MAPK6: variants seen among roughly 807,000 people sequenced by gnomAD.
MAPK6 encodes the protein mitogen-activated protein kinase 6.
MAPK6 carries 19 observed loss-of-function variants against 59.3 expected under a neutral mutation model. That is an observed-to-expected ratio of 0.32 (90% CI 0.22 to 0.47). MAPK6 has a LOEUF of 0.47. Ranked by LOEUF, MAPK6 falls within the 20% of genes least tolerant of loss-of-function variation. The pLI, the probability that MAPK6 is intolerant of heterozygous loss-of-function variation, is 1.00. For synonymous variants in MAPK6, 316 were observed against 290.3 expected, an observed-to-expected ratio of 1.09 and a Z score of -0.90; for missense variants, 724 against 847.9, an observed-to-expected ratio of 0.85 and a Z score of 1.81.
chr15:52,017,603 T>A (rs550790466), upstream of MAPK6: 4 of 152,628 alleles, frequency 2.6e-5, no homozygotes, highest in African/African-American at 9.6e-5. Context: ...CCTTTTGAAA[T>A]GCTACAAAGA....
chr15:51,994,249 C>T (rs552483137), intron 2 of MAPK6, among the ~76,000 whole-genome samples: 8 of 152,158 alleles, frequency 5.3e-5, no homozygotes, highest in African/African-American at 1.4e-4. Context: ...TGTGAGCCAC[C>T]GCGCCTGGCC....
intron 2 of MAPK6, among the ~76,000 whole-genome samples, chr15:51,997,203 A>T (rs1044006584): frequency 6.6e-6 from 1 of 150,752 alleles, no homozygotes; most frequent in South Asian, 2.1e-4. Context: ...GCTGGTCTTG[A>T]ACTCTTGACC....
At chr15:51,976,868 C>G (rs972264775) in intron 1 of MAPK6, among the ~76,000 whole-genome samples, 2 of 151,586 alleles carry the variant, frequency 1.3e-5, no homozygotes, top group African/African-American at 4.8e-5. Flanking sequence ...CGCTTCAACC[C>G]GGGAGGCGGA....
intron 3 of MAPK6, among the ~76,000 whole-genome samples, chr15:52,051,336 C>T (rs556408360): frequency 3.3e-5 from 5 of 152,096 alleles, no homozygotes; most frequent in African/African-American, 9.6e-5. Context: ...GGATTACAGG[C>T]GTGAGCCACC....
chr15:52,003,362 T>G (rs2057248411), intron 2 of MAPK6, among the ~76,000 whole-genome samples: 1 of 152,110 alleles, frequency 6.6e-6, no homozygotes. Flanking sequence ...GAGATTTGGG[T>G]GGGGACACAG....
chr15:52,051,562 AT>A (rs985886084), intron 3 of MAPK6, among the ~76,000 whole-genome samples: 4 of 152,064 alleles, frequency 2.6e-5, no homozygotes, highest in Non-Finnish European at 4.4e-5. Flanking sequence ...GCTCTTTATA[AT>A]TTTTTTCTAA....
Position 52,064,183 on chromosome 15 carries a change from C to A in MAPK6, c.1349C>A (p.Ser450Ter). 1 of 1,612,632 alleles carries A rather than the reference C, an allele frequency of 6.2e-7. No homozygotes were observed. The highest frequency in any genetic ancestry group is 8.5e-7 in the Non-Finnish European group (1 of 1,179,632). ...CSHTCNYKTR[S>*]SSYLDNLVWR... Reference sequence around the variant, plus strand: ...CATACTTGTAACTACAAAACGAGGTCATCATCATATTTAGATAACTTAGTT... The same window carrying A: ...CATACTTGTAACTACAAAACGAGGTAATCATCATATTTAGATAACTTAGTT... Residue 450 changes from serine to a stop codon, truncating the protein, a stop_gained, in exon 6 of 6, where the codon TCA (serine) becomes TAA (stop). Coordinates refer to ENST00000261845, the MANE Select transcript of MAPK6 (RefSeq NM_002748.4). LOFTEE classifies it high-confidence loss of function.
chr15:52,063,733 A>G (rs1250460051), intron 5 of MAPK6, among the ~76,000 whole-genome samples, 169 bp from the exon 6 acceptor site: 1 of 152,248 alleles, frequency 6.6e-6, no homozygotes, highest in Non-Finnish European at 1.5e-5. Flanking sequence ...ATATATTAAC[A>G]GAGCTTTCCT....
At chr15:52,000,833 C>A (rs1404161191) in intron 2 of MAPK6, among the ~76,000 whole-genome samples, 5 of 151,808 alleles carry the variant, frequency 3.3e-5, no homozygotes, top group African/African-American at 1.2e-4. Context: ...TTTAGGGGTA[C>A]AGTTGTTTTT....
intron 1 of MAPK6, among the ~76,000 whole-genome samples, chr15:52,040,755 G>A (rs984335586): frequency 6.6e-6 from 1 of 152,190 alleles, no homozygotes; most frequent in Non-Finnish European, 1.5e-5. Context: ...CAGTGCTTGA[G>A]CAGACAGTTG....
At chr15:52,047,115 T>C (rs2031615824) in intron 2 of MAPK6, 100 bp downstream of exon 2, 1 of 884,726 alleles carries the variant, frequency 1.1e-6, no homozygotes, top group Non-Finnish European at 1.6e-6. Context: ...GAATTTTTAA[T>C]CTTATTAAAC....
intron 1 of MAPK6, among the ~76,000 whole-genome samples, chr15:52,039,291 A>T (rs925412561): frequency 6.6e-6 from 1 of 151,984 alleles, no homozygotes; most frequent in African/African-American, 2.4e-5. Context: ...CTGTAACTAG[A>T]CTTACTAGTT....
At chr15:52,028,576 C>T (rs2030904325) in intron 1 of MAPK6, among the ~76,000 whole-genome samples, 1 of 152,134 alleles carries the variant, frequency 6.6e-6, no homozygotes, top group African/African-American at 2.4e-5. Flanking sequence ...AATTTAGGTC[C>T]TCAGTGATGC....
chr15:52,016,067 C>CAA (rs2030244867), upstream of MAPK6, among the ~76,000 whole-genome samples: 2 of 92,868 alleles, frequency 2.2e-5, no homozygotes, highest in African/African-American at 8.3e-5. Context: ...CGCGCGCGCG[C>CAA]GCGCACACAC....
At chr15:51,984,346 A>G (rs1370033114) in intron 2 of MAPK6, among the ~76,000 whole-genome samples, 1 of 151,584 alleles carries the variant, frequency 6.6e-6, no homozygotes, top group Non-Finnish European at 1.5e-5. Context: ...CAGTGACACA[A>G]TCTCGGCTCA....
At chr15:51,996,199 C>T (rs914627192) in intron 2 of MAPK6, among the ~76,000 whole-genome samples, 4 of 152,082 alleles carry the variant, frequency 2.6e-5, no homozygotes, top group Admixed American at 2.6e-4. Flanking sequence ...TTTTTCCTTC[C>T]CCTTATCGTA....
At chr15:52,019,762 G>T (rs1254677246) in intron 1 of MAPK6, among the ~76,000 whole-genome samples, 1 of 151,850 alleles carries the variant, frequency 6.6e-6, no homozygotes, top group South Asian at 2.1e-4. Context: ...GCCTGCGCCT[G>T]GCTCCGCGGG....
At chr15:52,052,911 G>A (rs1344887755) in intron 3 of MAPK6, among the ~76,000 whole-genome samples, 2 of 152,184 alleles carry the variant, frequency 1.3e-5, no homozygotes, top group South Asian at 2.1e-4. Context: ...ATACCTAGGA[G>A]TGGAATTGCT....
At chr15:52,041,965 C>T (rs762800701) in intron 1 of MAPK6, among the ~76,000 whole-genome samples, 1 of 152,218 alleles carries the variant, frequency 6.6e-6, no homozygotes, top group Non-Finnish European at 1.5e-5. Context: ...GAGCCCAAGT[C>T]TCTCTTTACT....
Sources: allele counts gnomAD v4.1 joint callset (sites outside exome capture counted in the v4.1 genomes callset), GRCh38; gene constraint gnomAD v4.1.1; transcripts MANE v1.5; gene names NCBI Gene and HGNC (gene_info 2026-07-23, HGNC 2026-07-21).